The following FEZF2 variants were observed in gnomAD, a reference collection of about 807,000 sequenced individuals.
The protein encoded by FEZF2 is fez family zinc finger protein 2.
FEZF2 carries 2 observed loss-of-function variants against 32.8 expected under a neutral mutation model. That is an observed-to-expected ratio of 0.06 (90% confidence interval 0.02 to 0.19). The LOEUF (loss-of-function observed/expected upper bound fraction) is 0.19. Among genes scored for constraint, FEZF2 ranks in the 10% least tolerant of loss-of-function variants. The pLI, the probability that FEZF2 is intolerant of heterozygous loss-of-function variation, is 1.00. For missense variants in FEZF2, 516 were observed against 625.4 expected, an observed-to-expected ratio of 0.83 and a Z score of 1.87; for synonymous variants, 322 against 284.8, an observed-to-expected ratio of 1.13 and a Z score of -1.32.
In FEZF2 at chr3:62,372,600, C is replaced by T; in HGVS notation, c.269G>A (p.Ser90Asn). Residue 90 changes from serine to asparagine, a missense_variant, in exon 2 of 5, where the codon AGT becomes AAT. Transcript: ENST00000283268. This position sits in a 1 kb window ranked among gnomAD's most constrained non-coding sequence, Gnocchi z 9.6. ...GCTGCTTTTCCAGAGCTCCGAGTAACTGAGCAGTGTCTTTGACGGCACCTC... is the reference window on the plus strand; with the variant it reads ...GCTGCTTTTCCAGAGCTCCGAGTAATTGAGCAGTGTCTTTGACGGCACCTC... ...GYEVPSKTLL[S>N]YSELWKSSLR... The T allele has an allele frequency of 1.3e-6, 2 of 1,490,434 alleles. No homozygotes were observed. The highest frequency in any genetic ancestry group is 1.8e-6 in the Non-Finnish European group (2 of 1,114,074). 92.3% of individuals were successfully genotyped at this position (1,490,434 alleles called of 1,614,324 possible).
rs765331339 is a variant in FEZF2, at chr3:62,372,335, G to T, written c.534C>A (p.Thr178=). 7 of 1,610,332 alleles carry T rather than the reference G, an allele frequency of 4.3e-6. No individual in the cohort carries two copies. The South Asian group carries it at 4.4e-5, about 10-fold the overall frequency. The change falls in exon 2 of 5, where the codon ACC becomes ACA. Residue 178 remains threonine, a synonymous_variant. Transcript: ENST00000283268. This position sits in a 1 kb window ranked among gnomAD's most constrained non-coding sequence, Gnocchi z 9.6. ...SLYYFNYLDS[T]AYPPSELLSG... ...TGAGGAGCTCAGACGGCGGGTACGC[G>T]GTCGAGTCCAGGTAGTTGAAGTAGT...
Position 62,369,975 on chromosome 3 carries a change from T to C in FEZF2, c.*108A>G. On this transcript the variant is annotated 3_prime_UTR_variant, in exon 5 of 5. Coordinates refer to ENST00000283268, the MANE Select transcript of FEZF2 (RefSeq NM_018008.4). This position sits in a 1 kb window ranked among gnomAD's most constrained non-coding sequence, Gnocchi z 4.2. ...TATGCTGGTTTCGATAAATAGATTT[T>C]AGCCTCTCTGCTATAGTTTTTTTTT... 2.3e-6 allele frequency: 3 copies of C among 1,317,290 alleles called. No homozygotes were observed. The highest frequency in any genetic ancestry group is 3.0e-6 in the Non-Finnish European group (3 of 986,588). The allele number at this position is 1,317,290 out of a possible 1,614,324, so 81.6% of individuals were successfully genotyped here.
Position 62,372,991 on chromosome 3 carries a change from AC to A in FEZF2, c.-58-66del. 4.1e-6 allele frequency: 4 copies of A among 967,750 alleles called. No homozygotes were observed. Among genetic ancestry groups the A allele is most frequent in the Non-Finnish European group, 5.5e-6 (4 of 724,542 alleles). 59.9% of individuals were successfully genotyped at this position (967,750 alleles called of 1,614,324 possible). ...ATAAGCACCTAGTCGGGCCCGGGTCACCCATTTGCATTCAAATGAACAGGGG... is the reference window on the plus strand; with the variant it reads ...ATAAGCACCTAGTCGGGCCCGGGTCACCATTTGCATTCAAATGAACAGGGG... On this transcript the variant is annotated intron_variant, in intron 1 of 4. Coordinates refer to ENST00000283268, the MANE Select transcript of FEZF2 (RefSeq NM_018008.4). This position sits in a 1 kb window ranked among gnomAD's most constrained non-coding sequence, Gnocchi z 9.6.
rs11554211 is a variant in FEZF2, at chr3:62,371,651, T to C, written c.869A>G (p.Tyr290Cys). ...EVCGKVFNAH[Y>C]NLTRHMPVHT... Reference sequence around the variant, plus strand: ...GACCGGCATGTGGCGGGTGAGATTATAGTGAGCGTTAAACACCTATGGAAA... The same window carrying C: ...GACCGGCATGTGGCGGGTGAGATTACAGTGAGCGTTAAACACCTATGGAAA... The change falls in exon 3 of 5, where the codon TAT becomes TGT. Residue 290 changes from tyrosine to cysteine, a missense_variant. Around this residue, in one of 3 missense-constraint regions of FEZF2, gnomAD observed 79 missense variants for 219.4 expected, o/e 0.36. Transcript: ENST00000283268. The C allele has an allele frequency of 6.2e-7, 1 of 1,613,152 alleles. No homozygotes were observed. Among genetic ancestry groups the C allele is most frequent in the Non-Finnish European group, 8.5e-7 (1 of 1,179,524 alleles).
chr3:62,371,902 T>C (rs1196940769), intron 2 of FEZF2, 115 bp downstream of exon 2: 3 of 1,451,648 alleles, frequency 2.1e-6, no homozygotes, highest in Non-Finnish European at 2.7e-6. Flanking sequence ...CCAGTTTGGG[T>C]AGTCAACTAC....
chr3:62,370,783 A>AGG lies in FEZF2; in HGVS notation c.1120+433_1120+434insCC, dbSNP rs1704258511. ...CCCCCCAACTACCAACTGAAGATCC[A>AGG]AAAGTGCCTTGGAAAATCCGATCCA... On this transcript the variant is annotated intron_variant, in intron 4 of 4. Coordinates refer to ENST00000283268, the MANE Select transcript of FEZF2 (RefSeq NM_018008.4). The surrounding 1 kb of genome is among the most constrained non-coding windows in gnomAD (Gnocchi z 4.2). Among the ~76,000 whole-genome samples, 1 of 152,232 alleles carries AGG rather than the reference A, an allele frequency of 6.6e-6. No homozygotes were observed. The highest frequency in any genetic ancestry group is 6.5e-5 in the Admixed American group (1 of 15,290).
chr3:62,370,100 T>G lies in FEZF2; in HGVS notation c.1363A>C (p.Arg455=). The G allele has an allele frequency of 6.2e-7, 1 of 1,614,208 alleles. No individual in the cohort carries two copies. Among genetic ancestry groups the G allele is most frequent in the Non-Finnish European group, 8.5e-7 (1 of 1,180,026 alleles). ...PAAPSAKDLT[R]TVQS is the part of the protein sequence containing the mutation. ...AGTAGCTCTCAGCTCTGCACTGTCC[T>G]AGTCAGGTCCTTTGCGGAGGGGGCA... The change falls in exon 5 of 5, where the codon AGG becomes CGG. Residue 455 remains arginine, a synonymous_variant. Coordinates refer to ENST00000283268, the MANE Select transcript of FEZF2 (RefSeq NM_018008.4). The surrounding 1 kb of genome is among the most constrained non-coding windows in gnomAD (Gnocchi z 4.2).
chr3:62,372,633 A>G lies in FEZF2; in HGVS notation c.236T>C (p.Leu79Pro), dbSNP rs1401337822. The part of the protein sequence containing the change: ...PLPCMIPLQP[L>P]GYEVPSKTLL... ...TGTCTTTGACGGCACCTCGTAGCCT[A>G]GGGGCTGGAGGGGGATCATACAGGG... The change falls in exon 2 of 5, where the codon CTA (leucine) becomes CCA (proline). Residue 79 changes from leucine to proline, a missense_variant. Physicochemically the swap from Leu to Pro is moderately conservative, Grantham distance 98 (BLOSUM62 -3). Coordinates refer to ENST00000283268, the MANE Select transcript of FEZF2 (RefSeq NM_018008.4). The surrounding 1 kb of genome is among the most constrained non-coding windows in gnomAD (Gnocchi z 9.6). 6.4e-7 allele frequency: 1 copy of G among 1,574,182 alleles called. No individual in the cohort carries two copies. The highest frequency in any genetic ancestry group is 1.2e-5 in the South Asian group (1 of 86,774).
Position 62,370,353 on chromosome 3 carries a change from T to G in FEZF2, c.1121-11A>C, listed in dbSNP as rs764075772. The G allele has an allele frequency of 6.2e-6, 10 of 1,611,396 alleles. No individual in the cohort carries two copies. Among genetic ancestry groups the G allele is most frequent in the Non-Finnish European group, 7.6e-6 (9 of 1,178,248 alleles). On this transcript the variant is annotated splice_polypyrimidine_tract_variant and intron_variant, in intron 4 of 4. Transcript: ENST00000283268. The surrounding 1 kb of genome is among the most constrained non-coding windows in gnomAD (Gnocchi z 4.2). Reference sequence around the variant, plus strand: ...GGTTCTTGTAGTTCCCTACAACAGATCAAGAACAAAAAACGTGGGGGTATG... The same window carrying G: ...GGTTCTTGTAGTTCCCTACAACAGAGCAAGAACAAAAAACGTGGGGGTATG...
Position 62,369,862 on chromosome 3 carries a change from C to T in FEZF2, c.*221G>A, listed in dbSNP as rs1242677361. 8 of 530,736 alleles carry T rather than the reference C, an allele frequency of 1.5e-5. No homozygotes were observed. The highest frequency in any genetic ancestry group is 2.6e-5 in the Non-Finnish European group (8 of 312,558). The allele number at this position is 530,736 out of a possible 1,614,324, so 32.9% of individuals were successfully genotyped here. ...CTGGAATTAAATACGTTTCGGCGCA[C>T]TGGATTTAAATAAGTTTCCTGAATA... On this transcript the variant is annotated 3_prime_UTR_variant, in exon 5 of 5. Transcript: ENST00000283268. The surrounding 1 kb of genome is among the most constrained non-coding windows in gnomAD (Gnocchi z 4.2).
chr3:62,372,195 T>C lies in FEZF2; in HGVS notation c.674A>G (p.Lys225Arg). Residue 225 changes from lysine to arginine, a missense_variant, in exon 2 of 5, where the codon AAG becomes AGG. Transcript: ENST00000283268. This position sits in a 1 kb window ranked among gnomAD's most constrained non-coding sequence, Gnocchi z 9.6. ...NAKLAGLAADKFPHPAPYPHK... is the reference protein window; with the variant it reads ...NAKLAGLAADRFPHPAPYPHK... ...GGGATAGGGAGCCGGGTGGGGGAAC[T>C]TGTCCGCAGCCAGGCCGGCCAGCTT... 1 of 1,578,782 alleles carries C rather than the reference T, an allele frequency of 6.3e-7. No homozygotes were observed. The highest frequency in any genetic ancestry group is 8.6e-7 in the Non-Finnish European group (1 of 1,162,034).
At position 62,370,449 on chromosome 3, in the gene FEZF2, G is replaced by C. The variant is rs1392881187; in HGVS notation, c.1121-107C>G. ...CAGGTGCCTGCTCAAAAAAGGCGAC[G>C]CTTGGCTAGGCGGGCGCGACCTCTT... On this transcript the variant is annotated intron_variant, in intron 4 of 4. Coordinates refer to ENST00000283268, the MANE Select transcript of FEZF2 (RefSeq NM_018008.4). This position sits in a 1 kb window ranked among gnomAD's most constrained non-coding sequence, Gnocchi z 4.2. The C allele has an allele frequency of 2.5e-6, 3 of 1,201,332 alleles. No individual in the cohort carries two copies. The highest frequency in any genetic ancestry group is 3.5e-6 in the Non-Finnish European group (3 of 848,446). 74.4% of individuals were successfully genotyped at this position (1,201,332 alleles called of 1,614,324 possible).
chr3:62,372,420 C>G lies in FEZF2; in HGVS notation c.449G>C (p.Arg150Thr). ...GTTGATGACCTGCGGCTTGATGACCCTGCCCGCGGGCAGCGCGGACGGCGC... is the reference window on the plus strand; with the variant it reads ...GTTGATGACCTGCGGCTTGATGACCGTGCCCGCGGGCAGCGCGGACGGCGC... ...GLAPSALPAG[R>T]VIKPQVINQA... The change falls in exon 2 of 5, where the codon AGG becomes ACG. Residue 150 changes from arginine to threonine, a missense_variant. Around this residue, in one of 3 missense-constraint regions of FEZF2, gnomAD observed 408 missense variants for 382.2 expected, o/e 1.07. Coordinates refer to ENST00000283268, the MANE Select transcript of FEZF2 (RefSeq NM_018008.4). This position sits in a 1 kb window ranked among gnomAD's most constrained non-coding sequence, Gnocchi z 9.6. 1 of 1,610,540 alleles carries G rather than the reference C, an allele frequency of 6.2e-7. No individual in the cohort carries two copies.
Position 62,371,952 on chromosome 3 carries a change from GC to G in FEZF2, c.852+64del, listed in dbSNP as rs1704275778. The stretch of plus-strand genomic sequence containing the variant: ...GCTTGAAAAAGGGGCATTCCAGGCT[GC>G]CCCAAGGAAGCCGCCGCCGCCGATC... On this transcript the variant is annotated intron_variant, in intron 2 of 4. Transcript: ENST00000283268. 1.3e-5 allele frequency: 21 copies of G among 1,555,782 alleles called. No individual in the cohort carries two copies. The South Asian group carries it at 2.5e-4, about 18-fold the overall frequency.
At chr3:62,371,931 G>A in intron 2 of FEZF2, 86 bp downstream of exon 2, 1 of 1,515,486 alleles carries the variant, frequency 6.6e-7, no homozygotes, top group Non-Finnish European at 8.8e-7. Flanking sequence ...TCCTCAGCTT[G>A]AAAAAGGGGC....
In FEZF2 at chr3:62,369,728, A is replaced by G. The variant is rs571493111; in HGVS notation, c.*355T>C. The G allele has an allele frequency of 4.1e-6, 1 of 245,304 alleles. No individual in the cohort carries two copies. Among genetic ancestry groups the G allele is most frequent in the Non-Finnish European group, 7.9e-6 (1 of 126,668 alleles). 15.2% of individuals were successfully genotyped at this position (245,304 alleles called of 1,614,324 possible). A position where few individuals can be genotyped will look rare whatever the true frequency, so the allele number is the denominator to read the frequency against. ...GTATATATTCCGTGTTCGCTTGTAC[A>G]GGAGGATTTACATGGCTGTATAAAG... is the stretch of plus-strand genomic sequence containing the variant. On this transcript the variant is annotated 3_prime_UTR_variant, in exon 5 of 5. Transcript: ENST00000283268. The surrounding 1 kb of genome is among the most constrained non-coding windows in gnomAD (Gnocchi z 4.2).
At position 62,372,118 on chromosome 3, in the gene FEZF2, C is replaced by T. The variant is rs750230837; in HGVS notation, c.751G>A (p.Ala251Thr). The change falls in exon 2 of 5, where the codon GCC (alanine) becomes ACC (threonine). Residue 251 changes from alanine (A) to threonine (T), a missense_variant. Physicochemically the swap from Ala to Thr is moderately conservative, Grantham distance 58 (BLOSUM62 0). Transcript: ENST00000283268. The surrounding 1 kb of genome is among the most constrained non-coding windows in gnomAD (Gnocchi z 9.6). ...ACGCCTCCGCGCTCGGCAGTCAGGG[C>T]CGAGTTTTCCTTCAGTACCTGCTCC... ...PLEQVLKENSALTAERGGVKG... is the reference protein window; with the variant it reads ...PLEQVLKENSTLTAERGGVKG... 1.9e-6 allele frequency: 3 copies of T among 1,601,792 alleles called. No homozygotes were observed. In the East Asian group the frequency reaches 6.8e-5, roughly 36 times the overall value.
Position 62,373,244 on chromosome 3 carries a change from A to C in FEZF2, c.-59+35T>G. The C allele has an allele frequency of 4.6e-6, 1 of 218,060 alleles. No individual in the cohort carries two copies. Among genetic ancestry groups the C allele is most frequent in the South Asian group, 1.8e-4 (1 of 5,420 alleles). 13.5% of individuals were successfully genotyped at this position (218,060 alleles called of 1,614,324 possible). On this transcript the variant is annotated intron_variant, in intron 1 of 4. Coordinates refer to ENST00000283268, the MANE Select transcript of FEZF2 (RefSeq NM_018008.4). The surrounding 1 kb of genome is among the most constrained non-coding windows in gnomAD (Gnocchi z 5.5). ...TGGGAGCTGGACAGTGAAGGGGCAA[A>C]GTTAAAGAGGACCGGAGAGCCACCT... is the stretch of plus-strand genomic sequence containing the variant.
Position 62,372,913 on chromosome 3 carries a change from T to C in FEZF2, c.-45A>G. ...AGCCAGGCTGGGCCAGGGCGCAGCC[T>C]CTCTCCTCTAAGTCTGCATTCCGGA... On this transcript the variant is annotated 5_prime_UTR_variant, in exon 2 of 5. Transcript: ENST00000283268. This position sits in a 1 kb window ranked among gnomAD's most constrained non-coding sequence, Gnocchi z 9.6. 1 of 1,357,102 alleles carries C rather than the reference T, an allele frequency of 7.4e-7. No homozygotes were observed. Among genetic ancestry groups the C allele is most frequent in the Non-Finnish European group, 9.5e-7 (1 of 1,049,258 alleles). The allele number at this position is 1,357,102 out of a possible 1,614,324, so 84.1% of individuals were successfully genotyped here.
Sources: gnomAD v4.1 joint callset for allele counts (sites outside exome capture counted in the v4.1 genomes callset) on GRCh38, gnomAD v4.1.1 for gene constraint, gnomAD v4.1.1 regional missense constraint, Gnocchi (gnomAD v3.1) non-coding constraint, MANE v1.5 for transcripts, NCBI Gene and HGNC (gene_info 2026-07-23, HGNC 2026-07-21) for gene names.